CTNNA2: variants seen among roughly 807,000 people sequenced by gnomAD.
The protein encoded by CTNNA2 is catenin alpha-2.
CTNNA2 carries 42 observed loss-of-function variants against 101.0 expected under a neutral mutation model. The observed-to-expected ratio is 0.42, with a 90% CI of 0.32 to 0.54. The LOEUF (loss-of-function observed/expected upper bound fraction) is 0.54. CTNNA2 is among the 20% of genes least tolerant of loss of function. The probability of loss-of-function intolerance (pLI) is 0.14; values close to 1 mark genes in which losing one functional copy is unlikely to be tolerated. For missense variants in CTNNA2, 871 were observed against 1,223.1 expected, an observed-to-expected ratio of 0.71 and a Z score of 4.29; for synonymous variants, 450 against 456.4, an observed-to-expected ratio of 0.99 and a Z score of 0.18.
In CTNNA2 at chr2:80,523,146, A is replaced by G. The variant is rs549398355; in HGVS notation, c.1291-21836A>G. 2.0e-5 allele frequency among the ~76,000 whole-genome samples: 3 copies of G among 152,306 alleles called. No homozygotes were observed. The South Asian group carries it at 6.2e-4, about 32-fold the overall frequency. On this transcript the variant is annotated intron_variant, in intron 9 of 18. Transcript: ENST00000402739. ...CAAGGAAGTATTGAATAGGTGCCAT[A>G]CCTGTGTATTAGAGGAAAACATTTA...
At chr2:80,599,720 A>G (rs953914470) in intron 15 of CTNNA2, among the ~76,000 whole-genome samples, 1 of 152,100 alleles carries the variant, frequency 6.6e-6, no homozygotes, top group Non-Finnish European at 1.5e-5. Context: ...TGATTCAAAT[A>G]ATTTTCTTTA....
chr2:79,716,823 A>G (rs561196296), intron 2 of CTNNA2, among the ~76,000 whole-genome samples: 1 of 152,326 alleles, frequency 6.6e-6, no homozygotes, highest in East Asian at 1.9e-4. Flanking sequence ...CTGCAGGGAA[A>G]AAAATAAGAT....
intron 4 of CTNNA2, among the ~76,000 whole-genome samples, chr2:79,481,347 G>A (rs1373469873): frequency 1.3e-5 from 2 of 152,052 alleles, no homozygotes; most frequent in African/African-American, 4.8e-5. Flanking sequence ...CCTAGCCTCT[G>A]CCCCTCTGTC....
chr2:79,230,648 CAT>C (rs1167910391), intron 2 of CTNNA2, among the ~76,000 whole-genome samples: 1 of 152,130 alleles, frequency 6.6e-6, no homozygotes, highest in Non-Finnish European at 1.5e-5. Context: ...AGAGGGCCAC[CAT>C]CCTCCAGACC....
At chr2:80,429,411 G>A (rs1442448372) in intron 9 of CTNNA2, among the ~76,000 whole-genome samples, 1 of 152,134 alleles carries the variant, frequency 6.6e-6, no homozygotes, top group Admixed American at 6.5e-5. Flanking sequence ...CAGAATCCAT[G>A]CATAAGCCCG....
At chr2:80,207,279 GA>G (rs1330886590) in intron 7 of CTNNA2, among the ~76,000 whole-genome samples, 1 of 152,172 alleles carries the variant, frequency 6.6e-6, no homozygotes, top group Admixed American at 6.5e-5. Context: ...TGGTACAATA[GA>G]AATTCCAGAC....
chr2:80,119,164 G>A (rs1317540564), intron 7 of CTNNA2, among the ~76,000 whole-genome samples: 1 of 152,166 alleles, frequency 6.6e-6, no homozygotes, highest in African/African-American at 2.4e-5. Flanking sequence ...GGTTTGGCTT[G>A]TCATGGTGGC....
chr2:80,611,894 T>G (rs900950245), intron 17 of CTNNA2, among the ~76,000 whole-genome samples: 1 of 151,570 alleles, frequency 6.6e-6, no homozygotes, highest in African/African-American at 2.4e-5. Context: ...AGGAATTCAA[T>G]GTTCAGGATG....
At chr2:79,467,948 T>C (rs988061637) in intron 4 of CTNNA2, among the ~76,000 whole-genome samples, 2 of 152,122 alleles carry the variant, frequency 1.3e-5, no homozygotes, top group Non-Finnish European at 2.9e-5. Flanking sequence ...AGACCATCAA[T>C]GCTAAGAAGA....
intron 7 of CTNNA2, among the ~76,000 whole-genome samples, chr2:80,089,682 T>C (rs1204783942): frequency 4.6e-5 from 7 of 152,010 alleles, no homozygotes; most frequent in Non-Finnish European, 8.8e-5. Context: ...GAAAGCATCA[T>C]TTGGCCTCAC....
intron 2 of CTNNA2, among the ~76,000 whole-genome samples, chr2:79,270,845 AC>A (rs1175881828): frequency 6.6e-6 from 1 of 152,014 alleles, no homozygotes; most frequent in East Asian, 1.9e-4. Context: ...ATCTCACCCT[AC>A]CTTTCCCTCT....
intron 7 of CTNNA2, chr2:80,304,654 C>G (rs916838919): frequency 6.5e-6 from 1 of 153,072 alleles, no homozygotes; most frequent in Non-Finnish European, 1.5e-5. Flanking sequence ...GAGGTGCGGA[C>G]GGCGGCGCGG....
intron 2 of CTNNA2, among the ~76,000 whole-genome samples, chr2:79,210,802 C>A (rs1200021888): frequency 6.6e-6 from 1 of 152,088 alleles, no homozygotes; most frequent in Non-Finnish European, 1.5e-5. Context: ...TTCCTAAAGG[C>A]TCCCAGAGAT....
intron 7 of CTNNA2, among the ~76,000 whole-genome samples, chr2:79,987,130 C>T (rs1395379427): frequency 6.6e-6 from 1 of 152,128 alleles, no homozygotes; most frequent in Non-Finnish European, 1.5e-5. Context: ...AATTCAAGTC[C>T]ACAATTCTCC....
chr2:80,235,187 T>C (rs1267055532), intron 7 of CTNNA2, among the ~76,000 whole-genome samples: 7 of 152,206 alleles, frequency 4.6e-5, no homozygotes, highest in Admixed American at 4.6e-4. Flanking sequence ...TGTTCAAATA[T>C]GCATATATGA....
chr2:80,609,092 T>G (rs1698253344), intron 17 of CTNNA2, among the ~76,000 whole-genome samples: 1 of 151,730 alleles, frequency 6.6e-6, no homozygotes, highest in Non-Finnish European at 1.5e-5. Context: ...TGCAAATTAT[T>G]TGCAAGTCCA....
At chr2:79,977,119 TACTA>T (rs1419486839) in intron 7 of CTNNA2, among the ~76,000 whole-genome samples, 1 of 152,122 alleles carries the variant, frequency 6.6e-6, no homozygotes, top group Non-Finnish European at 1.5e-5. Flanking sequence ...AGGATAGTCT[TACTA>T]AATAATTGGG....
intron 2 of CTNNA2, among the ~76,000 whole-genome samples, chr2:79,218,699 C>A (rs527639039): frequency 1.3e-5 from 2 of 152,190 alleles, no homozygotes; most frequent in East Asian, 3.9e-4. Flanking sequence ...CAGGCCTGAG[C>A]AACATGGTAC....
At chr2:80,088,476 G>T (rs1028763014) in intron 7 of CTNNA2, among the ~76,000 whole-genome samples, 32 of 151,900 alleles carry the variant, frequency 2.1e-4, no homozygotes, top group Admixed American at 3.9e-4. Context: ...AATACTATGG[G>T]TTTAGCATAT....
Sources: gnomAD v4.1 joint callset for allele counts (sites outside exome capture counted in the v4.1 genomes callset) on GRCh38, gnomAD v4.1.1 for gene constraint, MANE v1.5 for transcripts, NCBI Gene and HGNC (gene_info 2026-07-23, HGNC 2026-07-21) for gene names.